Variants in RASSF6 observed in about 807,000 individuals in gnomAD.
The protein encoded by RASSF6 is Ras association domain family member 6, also known as ras association domain-containing protein 6.
A neutral mutation model predicts 44.0 loss-of-function variants in RASSF6; 52 were observed. That is an observed-to-expected ratio of 1.18 (90% CI 0.95 to 1.49). The LOEUF (loss-of-function observed/expected upper bound fraction) is 1.49. Ranked by LOEUF, RASSF6 falls within the 40% of genes most tolerant of loss-of-function variation. The probability of loss-of-function intolerance (pLI) is 0.00; values close to 1 mark genes in which losing one functional copy is unlikely to be tolerated. For synonymous variants in RASSF6, 162 were observed against 124.6 expected, an observed-to-expected ratio of 1.30 and a Z score of -2.00; for missense variants, 464 against 393.3, an observed-to-expected ratio of 1.18 and a Z score of -1.52.
chr4:73,577,267 C>T (rs1723296536), intron 8 of RASSF6, among the ~76,000 whole-genome samples: 1 of 152,064 alleles, frequency 6.6e-6, no homozygotes, highest in Non-Finnish European at 1.5e-5. Context: ...ATCCATTCAG[C>T]CATGAAAATG....
chr4:73,595,154 A>C (rs918719993), intron 3 of RASSF6, among the ~76,000 whole-genome samples: 1 of 152,174 alleles, frequency 6.6e-6, no homozygotes. Flanking sequence ...AGTTTTTAAA[A>C]ATTATATAAA....
chr4:73,619,856 C>T (rs1269125794), intron 1 of RASSF6, among the ~76,000 whole-genome samples: 1 of 151,930 alleles, frequency 6.6e-6, no homozygotes, highest in African/African-American at 2.4e-5. Context: ...TGAGCTGAAC[C>T]CTCAATTAAG....
intron 5 of RASSF6, among the ~76,000 whole-genome samples, 200 bp from the exon 6 acceptor site, chr4:73,585,564 A>C (rs574303608): frequency 6.6e-6 from 1 of 152,208 alleles, no homozygotes; most frequent in South Asian, 2.1e-4. Context: ...CCAGTATCTC[A>C]TATAAAATTC....
chr4:73,617,362 G>A (rs747065116), intron 1 of RASSF6, among the ~76,000 whole-genome samples: 2 of 152,186 alleles, frequency 1.3e-5, no homozygotes, highest in African/African-American at 4.8e-5. Context: ...AGCAGAAACG[G>A]TCAGAGAAGC....
At chr4:73,619,134 G>A (rs1006562268) in intron 1 of RASSF6, among the ~76,000 whole-genome samples, 2 of 152,174 alleles carry the variant, frequency 1.3e-5, no homozygotes, top group African/African-American at 4.8e-5. Flanking sequence ...TTATTCAAAA[G>A]CAGTCTCCTT....
At chr4:73,613,398 C>A (rs942608912) in intron 1 of RASSF6, among the ~76,000 whole-genome samples, 3 of 152,168 alleles carry the variant, frequency 2.0e-5, no homozygotes, top group Non-Finnish European at 4.4e-5. Flanking sequence ...TTGGTCTGGG[C>A]AACTTGGTTA....
chr4:73,584,597 A>G (rs754629121), intron 6 of RASSF6, among the ~76,000 whole-genome samples: 1 of 152,180 alleles, frequency 6.6e-6, no homozygotes, highest in African/African-American at 2.4e-5. Context: ...AGTTTGATTT[A>G]TTGGAATAAA....
At chr4:73,609,089 G>A (rs974894049) in intron 2 of RASSF6, among the ~76,000 whole-genome samples, 7 of 152,188 alleles carry the variant, frequency 4.6e-5, no homozygotes, top group Non-Finnish European at 7.3e-5. Flanking sequence ...CCTTAGAAGA[G>A]GCATAGACTG....
intron 1 of RASSF6, among the ~76,000 whole-genome samples, chr4:73,613,062 T>C (rs1726134985): frequency 6.6e-6 from 1 of 152,204 alleles, no homozygotes; most frequent in Non-Finnish European, 1.5e-5. Context: ...AGTCTCCCCA[T>C]GTCCTTTGAA....
At chr4:73,606,206 C>T (rs972320220) in intron 2 of RASSF6, among the ~76,000 whole-genome samples, 2 of 152,178 alleles carry the variant, frequency 1.3e-5, no homozygotes, top group Admixed American at 6.5e-5. Flanking sequence ...CAATGTGGTA[C>T]ATAGACACCA....
intron 2 of RASSF6, 37 bp downstream of exon 2, chr4:73,611,694 T>C (rs1219434107): frequency 3.7e-6 from 5 of 1,340,266 alleles, no homozygotes; most frequent in Non-Finnish European, 5.3e-6. Flanking sequence ...AAATGACTGG[T>C]GAGTAGGACA....
chr4:73,576,590 A>G, intron 9 of RASSF6, 23 bp downstream of exon 9: 2 of 1,584,468 alleles, frequency 1.3e-6, no homozygotes, highest in Non-Finnish European at 1.7e-6. Context: ...CAAAAAACAG[A>G]TTCAGGGTGA....
At chr4:73,620,576 C>T, upstream of RASSF6, 1 of 1,129,406 alleles carries the variant, frequency 8.9e-7, no homozygotes, top group Non-Finnish European at 1.2e-6. Context: ...ATTATTTCTC[C>T]TTTTCGCCAC....
chr4:73,592,163 C>T (rs187107184), intron 4 of RASSF6, among the ~76,000 whole-genome samples: 8 of 152,166 alleles, frequency 5.3e-5, no homozygotes, highest in African/African-American at 1.7e-4. Flanking sequence ...TAGGGAATTA[C>T]AAAACATTCA....
rs1723077636 is a variant in RASSF6, at chr4:73,574,231, A to C, written c.*2004T>G. 6.6e-6 allele frequency: 1 copy of C among 152,438 alleles called. No individual in the cohort carries two copies. The highest frequency in any genetic ancestry group is 1.5e-5 in the Non-Finnish European group (1 of 68,220). 9.4% of individuals were successfully genotyped at this position (152,438 alleles called of 1,614,324 possible). A position where few individuals can be genotyped will look rare whatever the true frequency, so the allele number is the denominator to read the frequency against. On this transcript the variant is annotated 3_prime_UTR_variant, in exon 11 of 11. Transcript: ENST00000307439. The stretch of plus-strand genomic sequence containing the variant: ...CACTTGCCTGAGCTTTGTCTTGTGC[A>C]GTCTCGTCACACAAAGTTATGCTAG...
intron 3 of RASSF6, among the ~76,000 whole-genome samples, chr4:73,597,880 C>G (rs7698909): frequency 6.6e-6 from 1 of 152,138 alleles, no homozygotes; most frequent in African/African-American, 2.4e-5. Context: ...AAACCTAATA[C>G]TGTTTGCTTT....
intron 1 of RASSF6, among the ~76,000 whole-genome samples, chr4:73,618,429 T>C (rs926134072): frequency 6.6e-6 from 1 of 152,120 alleles, no homozygotes; most frequent in Non-Finnish European, 1.5e-5. Context: ...GGGGCTACTA[T>C]TCTTTATTTA....
chr4:73,615,875 G>A lies in RASSF6; in HGVS notation c.-34-4046C>T, dbSNP rs747629064. ...GCTCTGCATTCCTGCCTAGAGGTGGGCTTGCCTGGACTTACCAGTTGCCTT... is the reference window on the plus strand; with the variant it reads ...GCTCTGCATTCCTGCCTAGAGGTGGACTTGCCTGGACTTACCAGTTGCCTT... On this transcript the variant is annotated intron_variant, in intron 1 of 10. Transcript: ENST00000307439. 63 of 1,548,896 alleles carry A rather than the reference G, an allele frequency of 4.1e-5. No homozygotes were observed. In the Admixed American group the frequency reaches 1.2e-3, roughly 29 times the overall value.
intron 3 of RASSF6, among the ~76,000 whole-genome samples, chr4:73,594,310 A>G (rs1724786541): frequency 6.6e-6 from 1 of 152,258 alleles, no homozygotes; most frequent in Non-Finnish European, 1.5e-5. Context: ...AACAAAAGTC[A>G]TATGCCAGCC....
Sources: allele counts gnomAD v4.1 joint callset (sites outside exome capture counted in the v4.1 genomes callset), GRCh38; gene constraint gnomAD v4.1.1; transcripts MANE v1.5; gene names NCBI Gene and HGNC (gene_info 2026-07-23, HGNC 2026-07-21).